Variants in NOLC1 observed in about 807,000 individuals in gnomAD.
NOLC1 encodes the protein nucleolar and coiled-body phosphoprotein 1.
Under a neutral mutation model 73.4 loss-of-function variants are expected in NOLC1, and 37 were observed. The observed-to-expected ratio is 0.50, with a 90% CI of 0.39 to 0.66. The LOEUF (loss-of-function observed/expected upper bound fraction) is 0.66. Among genes scored for constraint, NOLC1 ranks in the 30% least tolerant of loss-of-function variants. The pLI is 0.00. For synonymous variants in NOLC1, 327 were observed against 302.6 expected (o/e 1.08, Z -0.84); for missense variants, 921 against 838.9 (o/e 1.10, Z -1.21).
Position 102,159,977 on chromosome 10 carries a change from A to C in NOLC1, c.941A>C (p.Glu314Ala), listed in dbSNP as rs1034668623. 1.9e-6 allele frequency: 3 copies of C among 1,611,918 alleles called. No homozygotes were observed. The highest frequency in any genetic ancestry group is 2.7e-5 in the African/African-American group (2 of 74,894). The change falls in exon 8 of 13, where the codon GAG (glutamate) becomes GCG (alanine). Residue 314 changes from glutamate (E) to alanine (A), a missense_variant. Glu to Ala is a moderately radical substitution (Grantham distance 107). Coordinates refer to ENST00000605788, the MANE Select transcript of NOLC1 (RefSeq NM_004741.5). ...LGTQPPKKAVEKQQPVESSED... is the reference protein window; with the variant it reads ...LGTQPPKKAVAKQQPVESSED... ...ACCCAGCCTCCCAAGAAGGCTGTGG[A>C]GAAGCAGCAGCCTGTGGAAAGCAGT...
chr10:102,158,586 G>A (rs2069641632), intron 5 of NOLC1, among the ~76,000 whole-genome samples: 1 of 152,084 alleles, frequency 6.6e-6, no homozygotes, highest in South Asian at 2.1e-4. Context: ...AGACAAATGA[G>A]AATTTTTCTT....
At chr10:102,159,369 C>T (rs1564970201) in intron 6 of NOLC1, 61 bp downstream of exon 6, 1 of 1,613,428 alleles carries the variant, frequency 6.2e-7, no homozygotes. Flanking sequence ...GTGTGTCTTC[C>T]TTCCCTGGCA....
intron 10 of NOLC1, 145 bp downstream of exon 10, chr10:102,161,238 CTTT>C (rs11392804): frequency 3.0e-5 from 20 of 671,376 alleles, no homozygotes; most frequent in Admixed American, 6.7e-5. Context: ...AACTGGTTAC[CTTT>C]TTTTTTTTTT....
At chr10:102,159,747 A>G (rs1440000008) in intron 7 of NOLC1, 149 bp from the exon 8 acceptor site, 3 of 1,031,114 alleles carry the variant, frequency 2.9e-6, no homozygotes, top group Non-Finnish European at 4.2e-6. Context: ...ACCTAGACTC[A>G]GAGGTGACAC....
chr10:102,162,217 G>A lies in NOLC1; in HGVS notation c.2048G>A (p.Arg683Gln), dbSNP rs147801768. The A allele has an allele frequency of 7.4e-4, 1,197 of 1,614,064 alleles. 2 individuals carry two copies. Among genetic ancestry groups the A allele is most frequent in the Admixed American group, 2.4e-3 (144 of 60,010 alleles). The change falls in exon 13 of 13, where the codon CGG becomes CAG. Residue 683 changes from arginine (R) to glutamine (Q), a missense_variant. Coordinates refer to ENST00000605788, the MANE Select transcript of NOLC1 (RefSeq NM_004741.5). ...EKTKKKRGSY[R>Q]GGSISVQVNS... ...ACCAAGAAGAAGCGGGGCAGCTACC[G>A]GGGAGGCTCAATCTCTGTCCAGGTC...
At chr10:102,159,065 CAAAAAAAAAA>C (rs35183508) in intron 5 of NOLC1, 118 bp from the exon 6 acceptor site, 7,916 of 357,052 alleles carry the variant, frequency 0.022, 133 homozygotes, top group East Asian at 0.18. Flanking sequence ...ACTCCGTCTC[CAAAAAAAAAA>C]AAAAAAAAAA....
rs1244598326 is a variant in NOLC1 at position 102,162,854 on chromosome 10, T to G, written c.*585T>G. ...TCATTTATTGGGTCTGGGACTGAAG[T>G]TTTTAGCCAGCATGGACCTAACCTA... is the stretch of plus-strand genomic sequence containing the variant. On this transcript the variant is annotated 3_prime_UTR_variant, in exon 13 of 13. Transcript: ENST00000605788. 1 of 152,232 alleles carries G rather than the reference T, an allele frequency of 6.6e-6. No homozygotes were observed. Among genetic ancestry groups the G allele is most frequent in the Non-Finnish European group, 1.5e-5 (1 of 68,052 alleles). The allele number at this position is 152,232 out of a possible 1,614,324, so 9.4% of individuals were successfully genotyped here.
In NOLC1 at chr10:102,159,192, G is replaced by T. The variant is rs1026599928; in HGVS notation, c.608-1G>T. The T allele has an allele frequency of 6.2e-7, 1 of 1,613,158 alleles. No individual in the cohort carries two copies. The highest frequency in any genetic ancestry group is 1.3e-5 in the African/African-American group (1 of 74,696). On this transcript the variant is annotated splice_acceptor_variant, in intron 5 of 12. Coordinates refer to ENST00000605788, the MANE Select transcript of NOLC1 (RefSeq NM_004741.5). LOFTEE classifies it high-confidence loss of function. Reference sequence around the variant, plus strand: ...CTCTTTCTTTTTCTTGGGTATTCCAGCTCGAGCAGCACCTAAAATAGCCAA... The same window carrying T: ...CTCTTTCTTTTTCTTGGGTATTCCATCTCGAGCAGCACCTAAAATAGCCAA...
At position 102,159,928 on chromosome 10, in the gene NOLC1, C is replaced by T; in HGVS notation, c.892C>T (p.Pro298Ser). 3 of 1,607,658 alleles carry T rather than the reference C, an allele frequency of 1.9e-6. No homozygotes were observed. The highest frequency in any genetic ancestry group is 2.5e-6 in the Non-Finnish European group (3 of 1,177,120). ...PYSSVPPPSAPPPKKSLGTQP... is the reference protein window; with the variant it reads ...PYSSVPPPSASPPKKSLGTQP... ...CAGTTCAGTCCCCCCGCCTTCTGCT[C>T]CCCCACCAAAGAAGTCTCTGGGAAC... Residue 298 changes from proline (P) to serine (S), a missense_variant, in exon 8 of 13, where the codon CCC (proline) becomes TCC (serine). Physicochemically the swap from Pro to Ser is moderately conservative, Grantham distance 74. Transcript: ENST00000605788.
rs1391398158 is a variant in NOLC1, at chr10:102,152,542, G to T, written c.120+12G>T. On this transcript the variant is annotated intron_variant, in intron 1 of 12. Coordinates refer to ENST00000605788, the MANE Select transcript of NOLC1 (RefSeq NM_004741.5). ...AAGCGACAGGAGCTGTGAGTTCCGG[G>T]CTTGGGGCGGGGACCGGGCTGAGAT... 6.2e-7 allele frequency: 1 copy of T among 1,613,336 alleles called. No homozygotes were observed.
intron 1 of NOLC1, among the ~76,000 whole-genome samples, chr10:102,156,564 A>G (rs2069598598): frequency 6.6e-6 from 1 of 151,894 alleles, no homozygotes; most frequent in Non-Finnish European, 1.5e-5. Context: ...CAGCCTCCCA[A>G]GTAGCTGGGA....
intron 1 of NOLC1, among the ~76,000 whole-genome samples, chr10:102,153,375 G>T (rs534115111): frequency 6.6e-6 from 1 of 152,332 alleles, no homozygotes; most frequent in African/African-American, 2.4e-5. Context: ...GAATGTGAAA[G>T]GTTTGTAATC....
chr10:102,159,353 A>ATG (rs766310845), intron 6 of NOLC1, 45 bp downstream of exon 6: 8 of 1,613,482 alleles, frequency 5.0e-6, no homozygotes, highest in South Asian at 1.1e-5. Context: ...CCAGGGTGTG[A>ATG]TGTGTGTGTG....
intron 10 of NOLC1, 145 bp downstream of exon 10, chr10:102,161,238 CTT>C (rs11392804): frequency 1.4e-3 from 919 of 663,910 alleles, no homozygotes; most frequent in South Asian, 2.3e-3. Flanking sequence ...AACTGGTTAC[CTT>C]TTTTTTTTTT....
At position 102,160,712 on chromosome 10, in the gene NOLC1, G is replaced by A; in HGVS notation, c.1360G>A (p.Ala454Thr). 1 of 1,614,144 alleles carries A rather than the reference G, an allele frequency of 6.2e-7. No individual in the cohort carries two copies. Among genetic ancestry groups the A allele is most frequent in the Non-Finnish European group, 8.5e-7 (1 of 1,179,972 alleles). ...TTKPKATAKAALSLPAKQAPQ... is the reference protein window; with the variant it reads ...TTKPKATAKATLSLPAKQAPQ... ...TAAGCCCAAGGCGACTGCCAAAGCA[G>A]CTCTATCTCTGCCTGCCAAGCAGGC... The change falls in exon 10 of 13, where the codon GCT (alanine) becomes ACT (threonine). Residue 454 changes from alanine to threonine, a missense_variant. Transcript: ENST00000605788.
intron 5 of NOLC1, 47 bp downstream of exon 5, chr10:102,158,261 T>G (rs769518088): frequency 2.5e-6 from 4 of 1,569,972 alleles, no homozygotes; most frequent in Non-Finnish European, 3.5e-6. Context: ...CAGATTGCTC[T>G]GGGGACTGGA....
At chr10:102,159,611 G>A (rs764008546) in intron 7 of NOLC1, 43 bp downstream of exon 7, 12 of 1,593,910 alleles carry the variant, frequency 7.5e-6, no homozygotes, top group East Asian at 2.2e-5. Flanking sequence ...TGTGGTCAGG[G>A]CCCAGCTGCA....
intron 1 of NOLC1, among the ~76,000 whole-genome samples, chr10:102,155,368 G>A (rs1391873305): frequency 6.7e-6 from 1 of 148,848 alleles, no homozygotes. Context: ...GACCAAGAGC[G>A]AAATTCCATT....
In NOLC1 at chr10:102,161,001, C is replaced by T. The variant is rs1169007336; in HGVS notation, c.1649C>T (p.Ser550Phe). 5.0e-6 allele frequency: 8 copies of T among 1,614,094 alleles called. No homozygotes were observed. The highest frequency in any genetic ancestry group is 6.8e-6 in the Non-Finnish European group (8 of 1,180,028). The change falls in exon 10 of 13, where the codon TCT becomes TTT. Residue 550 changes from serine to phenylalanine, a missense_variant. Physicochemically the swap from Ser to Phe is radical, Grantham distance 155. Transcript: ENST00000605788. ...CAAGCCCCCAAGGCCAATGGCACCT[C>T]TGCACTGACTGCCCAGAATGGAAAA... ...RPQAPKANGT[S>F]ALTAQNGKAA...
Sources: allele counts gnomAD v4.1 joint callset (sites outside exome capture counted in the v4.1 genomes callset), GRCh38; gene constraint gnomAD v4.1.1; transcripts MANE v1.5; gene names NCBI Gene and HGNC (gene_info 2026-07-23, HGNC 2026-07-21).